Variants in PSMG2 observed in about 807,000 individuals in gnomAD.
PSMG2 encodes CD40 ligand-activated specific transcript 3.
In PSMG2, 21 loss-of-function variants were observed where a neutral mutation model predicts 31.5. The ratio of observed to expected loss-of-function variants is 0.67; its 90% CI spans 0.47 to 0.96. The LOEUF is 0.96. Ranked by LOEUF, PSMG2 falls within the 40% of genes least tolerant of loss-of-function variation. The pLI, the probability that PSMG2 is intolerant of heterozygous loss-of-function variation, is 0.00. For synonymous variants in PSMG2, 120 were observed against 110.4 expected (o/e 1.09, Z -0.54); for missense variants, 318 against 321.2 (o/e 0.99, Z 0.08).
intron 2 of PSMG2, among the ~76,000 whole-genome samples, chr18:12,709,734 A>T (rs186382932): frequency 1.3e-5 from 2 of 151,572 alleles, no homozygotes; most frequent in Non-Finnish European, 2.9e-5. Flanking sequence ...TCCTGACCTC[A>T]GGTGATCCAA....
Position 12,674,477 on chromosome 18 carries a change from G to C in PSMG2, c.-37+15704G>C. ...AAAAAAGGAAATTAAAAAAACCCCT[G>C]CCGGACTGATCTGTAAGACTCCTAA... On this transcript the variant is annotated intron_variant, in intron 1 of 6. Transcript: ENST00000585331. 5 of 1,253,332 alleles carry C rather than the reference G, an allele frequency of 4.0e-6. No homozygotes were observed. The South Asian group carries it at 5.0e-5, about 13-fold the overall frequency. 77.6% of individuals were successfully genotyped at this position (1,253,332 alleles called of 1,614,324 possible).
Position 12,725,718 on chromosome 18 carries a change from A to G in PSMG2, c.*187A>G, listed in dbSNP as rs1598690709. 1 of 426,648 alleles carries G rather than the reference A, an allele frequency of 2.3e-6. No homozygotes were observed. The highest frequency in any genetic ancestry group is 4.1e-6 in the Non-Finnish European group (1 of 243,962). The allele number at this position is 426,648 out of a possible 1,614,324, so 26.4% of individuals were successfully genotyped here. On this transcript the variant is annotated 3_prime_UTR_variant, in exon 7 of 7. Transcript: ENST00000317615. ...ATGCACCAAATGTAAATTTTGTACA[A>G]TAAAATTTTATTTCCTAAGTAATTT... is the stretch of plus-strand genomic sequence containing the variant.
chr18:12,675,171 C>CGGATCA lies in PSMG2; in HGVS notation c.-37+16399_-37+16404dup, dbSNP rs1266755932. Among the ~76,000 whole-genome samples, 5 of 152,098 alleles carry CGGATCA rather than the reference C, an allele frequency of 3.3e-5. No individual in the cohort carries two copies. The East Asian group carries it at 9.7e-4, about 29-fold the overall frequency. ...CAGCAGTTTGGGAGGCTGAGGTGGGCGGATCATGAGGTCAGGAGATTGAGA... is the reference window on the plus strand; with the variant it reads ...CAGCAGTTTGGGAGGCTGAGGTGGGCGGATCAGGATCATGAGGTCAGGAGATTGAGA... On this transcript the variant is annotated intron_variant, in intron 1 of 6. Transcript: ENST00000585331.
intron 2 of PSMG2, among the ~76,000 whole-genome samples, chr18:12,708,700 C>CTTT (rs71371298): frequency 0.016 from 1,458 of 88,546 alleles, 72 homozygotes; most frequent in African/African-American, 0.049. Context: ...TTACAACGTT[C>CTTT]TTTTTTTTTT....
chr18:12,677,660 T>C (rs1478454037), intron 1 of PSMG2, among the ~76,000 whole-genome samples: 1 of 152,076 alleles, frequency 6.6e-6, no homozygotes, highest in Non-Finnish European at 1.5e-5. Context: ...TGTTTCACCA[T>C]ATTCCCCAGG....
intron 1 of PSMG2, chr18:12,691,454 C>G: frequency 6.2e-7 from 1 of 1,605,460 alleles, no homozygotes; most frequent in Non-Finnish European, 8.5e-7. Flanking sequence ...AATAATCGCT[C>G]TTTCTCTGCA....
At chr18:12,703,262 G>A in intron 1 of PSMG2, 98 bp downstream of exon 1, 3 of 1,276,180 alleles carry the variant, frequency 2.4e-6, no homozygotes, top group Admixed American at 2.7e-5. Flanking sequence ...GGAGAAATAG[G>A]GCACTAGTTT....
chr18:12,678,498 C>A, intron 1 of PSMG2: 1 of 1,180,864 alleles, frequency 8.5e-7, no homozygotes. Flanking sequence ...AAGGCAGCAT[C>A]TTACTGAGAA....
chr18:12,712,786 T>G (rs1311965074), intron 3 of PSMG2, 26 bp downstream of exon 3: 3 of 1,550,772 alleles, frequency 1.9e-6, no homozygotes, highest in Non-Finnish European at 2.7e-6. Flanking sequence ...TTTGCCTTTT[T>G]GTTTATTAAA....
At chr18:12,664,268 G>A (rs2038758556) in intron 1 of PSMG2, among the ~76,000 whole-genome samples, 1 of 152,182 alleles carries the variant, frequency 6.6e-6, no homozygotes, top group Non-Finnish European at 1.5e-5. Flanking sequence ...TGTAGGCCGG[G>A]CATGGTGGCT....
chr18:12,660,763 T>C (rs575805114), intron 1 of PSMG2, among the ~76,000 whole-genome samples: 7 of 152,210 alleles, frequency 4.6e-5, no homozygotes, highest in African/African-American at 7.2e-5. Context: ...GGCTTTTTTT[T>C]TTATTGCCAA....
At chr18:12,695,187 G>A in intron 1 of PSMG2, 1 of 586,346 alleles carries the variant, frequency 1.7e-6, no homozygotes, top group Middle Eastern at 3.7e-4. Context: ...TGCTTTCTAG[G>A]ATCAACAGGT....
rs542435519 is a variant in PSMG2, at chr18:12,683,911, A to ATATT, written c.-36-22639_-36-22638insTATT. On this transcript the variant is annotated intron_variant, in intron 1 of 6. Transcript: ENST00000585331. ...CAGAAAAAATATAAAAAGAAATAATAAACTAGGAATAGAATTATAGGTAAA... is the reference window on the plus strand; with the variant it reads ...CAGAAAAAATATAAAAAGAAATAATATATTAACTAGGAATAGAATTATAGGTAAA... Among the ~76,000 whole-genome samples, 73 of 151,882 alleles carry ATATT rather than the reference A, an allele frequency of 4.8e-4. 1 individual carries two copies. The East Asian group carries it at 0.011, about 23-fold the overall frequency.
chr18:12,693,125 T>G (rs963036053), intron 1 of PSMG2, among the ~76,000 whole-genome samples: 2 of 152,324 alleles, frequency 1.3e-5, no homozygotes, highest in Admixed American at 1.3e-4. Flanking sequence ...GCTAAAAGTT[T>G]TAATAGTGCA....
upstream of PSMG2, chr18:12,702,978 C>T (rs556322094): frequency 3.9e-5 from 41 of 1,060,002 alleles, 1 homozygote; most frequent in South Asian, 3.0e-4. Flanking sequence ...GCCTCAAGGG[C>T]CCGGCGCCCA....
intron 1 of PSMG2, among the ~76,000 whole-genome samples, chr18:12,659,740 G>C (rs1230689275): frequency 6.6e-6 from 1 of 152,110 alleles, no homozygotes; most frequent in Non-Finnish European, 1.5e-5. Context: ...TTCAGTACGA[G>C]AGAGACAAAA....
At chr18:12,710,911 G>A (rs949743002) in intron 2 of PSMG2, among the ~76,000 whole-genome samples, 9 of 152,054 alleles carry the variant, frequency 5.9e-5, no homozygotes, top group Admixed American at 3.3e-4. Context: ...ACCAGCCTGG[G>A]TAACATGATG....
upstream of PSMG2, chr18:12,702,969 CCTCAAGGGCCCGGCGCCCAGGGA>C (rs902330813): frequency 5.3e-6 from 5 of 948,558 alleles, no homozygotes; most frequent in African/African-American, 5.2e-5. Flanking sequence ...GCTGGACGGG[CCTCAAGGGCCCGGCGCCCAGGGA>C]CTCAAAGGAC....
At chr18:12,712,151 T>C (rs1295166684) in intron 2 of PSMG2, among the ~76,000 whole-genome samples, 2 of 152,202 alleles carry the variant, frequency 1.3e-5, no homozygotes, top group Non-Finnish European at 2.9e-5. Context: ...TGGATCCTTT[T>C]CCCAGTAAAA....
Sources: allele counts gnomAD v4.1 joint callset (sites outside exome capture counted in the v4.1 genomes callset), GRCh38; gene constraint gnomAD v4.1.1; transcripts MANE v1.5; gene names NCBI Gene and HGNC (gene_info 2026-07-23, HGNC 2026-07-21).